KCNQ1: variants seen among roughly 807,000 people sequenced by gnomAD.
KCNQ1 encodes potassium voltage-gated channel subfamily KQT member 1.
Under a neutral mutation model 72.4 loss-of-function variants are expected in KCNQ1, and 49 were observed. The ratio of observed to expected loss-of-function variants is 0.68; its 90% CI spans 0.54 to 0.86. KCNQ1 has a LOEUF of 0.86. KCNQ1 is among the 40% of genes least tolerant of loss of function. KCNQ1 has a pLI of 0.00. For missense variants in KCNQ1, 790 were observed against 945.1 expected (o/e 0.84, Z 2.15); for synonymous variants, 450 against 412.6 (o/e 1.09, Z -1.10).
intron 15 of KCNQ1, among the ~76,000 whole-genome samples, chr11:2,788,940 C>A (rs557688541): frequency 2.0e-5 from 3 of 152,246 alleles, no homozygotes; most frequent in Admixed American, 1.3e-4. Flanking sequence ...TTGCAGGAGG[C>A]CCCTGGGGCC....
rs1448063507 is a variant in KCNQ1, at chr11:2,572,130, G to T, written c.780+21G>T. On this transcript the variant is annotated intron_variant, in intron 5 of 15. Transcript: ENST00000155840. ...GCCAGGTGGGTGGCCCGGGTTAGGG[G>T]TGCGGGGCCCAGGTTGGGGACAGGA... is the stretch of plus-strand genomic sequence containing the variant. 4 of 1,585,642 alleles carry T rather than the reference G, an allele frequency of 2.5e-6. No homozygotes were observed. The South Asian group carries it at 3.3e-5, about 13-fold the overall frequency.
chr11:2,656,214 G>T, intron 10 of KCNQ1: 1 of 398,620 alleles, frequency 2.5e-6, no homozygotes, highest in East Asian at 3.6e-5. Context: ...AATCCTGGAT[G>T]AAGTTTTAGC....
rs1398693672 is a variant in KCNQ1 at position 2,445,287 on chromosome 11, C to G, written c.189C>G (p.Pro63=). 2.7e-5 allele frequency: 37 copies of G among 1,346,152 alleles called. No homozygotes were observed. The highest frequency in any genetic ancestry group is 3.4e-5 in the Non-Finnish European group (36 of 1,054,142). The allele number at this position is 1,346,152 out of a possible 1,614,324, so 83.4% of individuals were successfully genotyped here. ...PIAPGAPGPA[P]PASPAAPAAP... is the part of the protein sequence containing the mutation. ...CGCCCGGCGCCCCAGGTCCCGCGCC[C>G]CCTGCGTCCCCGGCCGCGCCCGCCG... Residue 63 remains proline, a synonymous_variant, in exon 1 of 16, where the codon CCC becomes CCG. Transcript: ENST00000155840.
At chr11:2,555,054 C>CT (rs1848048403) in intron 2 of KCNQ1, among the ~76,000 whole-genome samples, 1 of 152,208 alleles carries the variant, frequency 6.6e-6, no homozygotes, top group African/African-American at 2.4e-5. Flanking sequence ...AACCGCAGGC[C>CT]TTCCTGTCCC....
chr11:2,636,336 C>T (rs1250819727), intron 10 of KCNQ1: 1 of 151,756 alleles, frequency 6.6e-6, no homozygotes, highest in Admixed American at 6.6e-5. Flanking sequence ...ATAAATAGCT[C>T]TTATTATTTT....
chr11:2,528,085 T>C, intron 2 of KCNQ1, 67 bp downstream of exon 2: 1 of 1,362,934 alleles, frequency 7.3e-7, no homozygotes, highest in Non-Finnish European at 1.0e-6. Flanking sequence ...TCCCTGGCGC[T>C]GGGCCCCATA....
rs1847670811 is a variant in KCNQ1, at chr11:2,818,707, G to C, written c.1795-29060G>C. 6.6e-6 allele frequency among the ~76,000 whole-genome samples: 1 copy of C among 152,044 alleles called. No homozygotes were observed. Among genetic ancestry groups the C allele is most frequent in the African/African-American group, 2.4e-5 (1 of 41,384 alleles). The stretch of plus-strand genomic sequence containing the variant: ...GGGTCCTTAGCACCAGCTGCCCAGA[G>C]CCCCCAGCCCCTACCCTAGTCTGAT... On this transcript the variant is annotated intron_variant, in intron 15 of 15. Transcript: ENST00000155840. This position sits in a 1 kb window ranked among gnomAD's most constrained non-coding sequence, Gnocchi z 7.2.
rs929257451 is a variant in KCNQ1 at position 2,477,527 on chromosome 11, A to G, written c.386+32043A>G. Among the ~76,000 whole-genome samples the G allele has an allele frequency of 3.9e-5, 6 of 152,284 alleles. No individual in the cohort carries two copies. Among genetic ancestry groups the G allele is most frequent in the African/African-American group, 1.2e-4 (5 of 41,556 alleles). ...ACTAGCAGAGAGAAAAGAAAACTACAGACCAGTGATATGTACACAGAGAGC... is the reference window on the plus strand; with the variant it reads ...ACTAGCAGAGAGAAAAGAAAACTACGGACCAGTGATATGTACACAGAGAGC... On this transcript the variant is annotated intron_variant, in intron 1 of 15. Transcript: ENST00000155840. This position sits in a 1 kb window ranked among gnomAD's most constrained non-coding sequence, Gnocchi z 5.0.
chr11:2,529,981 C>T (rs181442563), intron 2 of KCNQ1, among the ~76,000 whole-genome samples: 8 of 152,284 alleles, frequency 5.3e-5, no homozygotes, highest in Admixed American at 1.3e-4. Flanking sequence ...AGGGGCCCCC[C>T]TTGCCTTCCT....
In KCNQ1 at chr11:2,583,368, G is replaced by A. The variant is rs1848533027; in HGVS notation, c.922-67G>A. ...CCGCTCATCAGAGTGGTGGGTTTGG[G>A]TTAGGCAGTTGGCCCTCCCGAGGCT... On this transcript the variant is annotated intron_variant, in intron 6 of 15. Transcript: ENST00000155840. 3.6e-6 allele frequency: 4 copies of A among 1,109,780 alleles called. No homozygotes were observed. In the Admixed American group the frequency reaches 6.7e-5, roughly 19 times the overall value. 68.7% of individuals were successfully genotyped at this position (1,109,780 alleles called of 1,614,324 possible). A position where few individuals can be genotyped will look rare whatever the true frequency, so the allele number is the denominator to read the frequency against.
rs1309491869 is a variant in KCNQ1 at position 2,447,482 on chromosome 11, A to G, written c.386+1998A>G. ...GGGGTGGGACTGGAGGTGGACCCTGACTGGGCAGGACATGTGGCTTGGTGG... is the reference window on the plus strand; with the variant it reads ...GGGGTGGGACTGGAGGTGGACCCTGGCTGGGCAGGACATGTGGCTTGGTGG... On this transcript the variant is annotated intron_variant, in intron 1 of 15. Transcript: ENST00000155840. This position sits in a 1 kb window ranked among gnomAD's most constrained non-coding sequence, Gnocchi z 7.6. Among the ~76,000 whole-genome samples the G allele has an allele frequency of 6.6e-6, 1 of 151,986 alleles. No homozygotes were observed. Among genetic ancestry groups the G allele is most frequent in the Admixed American group, 6.5e-5 (1 of 15,268 alleles).
Position 2,745,654 on chromosome 11 carries a change from A to G in KCNQ1, c.1515-23190A>G, listed in dbSNP as rs554441397. ...CTGGCAGAGGCTGGGGTTACCTGAC[A>G]CTTGTCATCCTTCTGCTGGGCCTCA... On this transcript the variant is annotated intron_variant, in intron 11 of 15. Coordinates refer to ENST00000155840, the MANE Select transcript of KCNQ1 (RefSeq NM_000218.3). This position sits in a 1 kb window ranked among gnomAD's most constrained non-coding sequence, Gnocchi z 6.2. 4.9e-4 allele frequency among the ~76,000 whole-genome samples: 75 copies of G among 152,294 alleles called. No individual in the cohort carries two copies. Among genetic ancestry groups the G allele is most frequent in the African/African-American group, 1.7e-3 (69 of 41,562 alleles).
chr11:2,834,935 G>T (rs551184519), intron 15 of KCNQ1, among the ~76,000 whole-genome samples: 1 of 152,186 alleles, frequency 6.6e-6, no homozygotes, highest in African/African-American at 2.4e-5. Context: ...AAGCCTGGCC[G>T]CCCAGCCCCT....
chr11:2,575,338 G>A (rs996874773), intron 6 of KCNQ1, among the ~76,000 whole-genome samples: 15 of 152,082 alleles, frequency 9.9e-5, no homozygotes, highest in African/African-American at 3.1e-4. Flanking sequence ...CATTGTTCCC[G>A]CCAGGCCCCG....
chr11:2,663,768 G>A lies in KCNQ1; in HGVS notation c.1514+1687G>A. 1 of 398,700 alleles carries A rather than the reference G, an allele frequency of 2.5e-6. No individual in the cohort carries two copies. Among genetic ancestry groups the A allele is most frequent in the Non-Finnish European group, 4.4e-6 (1 of 226,116 alleles). The allele number at this position is 398,700 out of a possible 1,614,324, so 24.7% of individuals were successfully genotyped here. On this transcript the variant is annotated intron_variant, in intron 11 of 15. Transcript: ENST00000155840. This position sits in a 1 kb window ranked among gnomAD's most constrained non-coding sequence, Gnocchi z 5.2. ...AGACCAGGCACTTATGTGGATCACA[G>A]CCAAACTTGCAGCTGCCCAGTAAAT...
Position 2,659,425 on chromosome 11 carries a change from A to G in KCNQ1, c.1394-2536A>G. 2 of 398,516 alleles carry G rather than the reference A, an allele frequency of 5.0e-6. No homozygotes were observed. Among genetic ancestry groups the G allele is most frequent in the East Asian group, 3.6e-5 (1 of 28,080 alleles). 24.7% of individuals were successfully genotyped at this position (398,516 alleles called of 1,614,324 possible). ...ATTTGAGATTCATCCATGTTGTTGC[A>G]TAAATCATTAGTTAATTTCTTTTTA... On this transcript the variant is annotated intron_variant, in intron 10 of 15. Coordinates refer to ENST00000155840, the MANE Select transcript of KCNQ1 (RefSeq NM_000218.3). The surrounding 1 kb of genome is among the most constrained non-coding windows in gnomAD (Gnocchi z 4.3).
intron 15 of KCNQ1, among the ~76,000 whole-genome samples, chr11:2,839,010 AGGTG>A (rs1463427516): frequency 1.5e-4 from 2 of 13,252 alleles, no homozygotes; most frequent in Non-Finnish European, 5.7e-4. Context: ...GGGTTGCACT[AGGTG>A]GGCAGGTGGG....
Position 2,567,301 on chromosome 11 carries a change from T to A in KCNQ1, c.478-3327T>A, listed in dbSNP as rs561527340. On this transcript the variant is annotated intron_variant, in intron 2 of 15. Coordinates refer to ENST00000155840, the MANE Select transcript of KCNQ1 (RefSeq NM_000218.3). The surrounding 1 kb of genome is among the most constrained non-coding windows in gnomAD (Gnocchi z 6.6). ...ACAGATGAACCCAGGGTTAGGAGGGTGGCTGGGGCATCACCCACCTGGGGT... is the reference window on the plus strand; with the variant it reads ...ACAGATGAACCCAGGGTTAGGAGGGAGGCTGGGGCATCACCCACCTGGGGT... Among the ~76,000 whole-genome samples, 3 of 152,026 alleles carry A rather than the reference T, an allele frequency of 2.0e-5. No individual in the cohort carries two copies. Among genetic ancestry groups the A allele is most frequent in the Admixed American group, 1.3e-4 (2 of 15,278 alleles).
intron 11 of KCNQ1, chr11:2,686,151 G>C (rs1276574726): frequency 2.5e-6 from 1 of 398,758 alleles, no homozygotes; most frequent in Non-Finnish European, 4.4e-6. Flanking sequence ...TCTGGGGTTT[G>C]CTTCGCCTTT....
Sources: allele counts gnomAD v4.1 joint callset (sites outside exome capture counted in the v4.1 genomes callset), GRCh38; gene constraint gnomAD v4.1.1; non-coding constraint Gnocchi (gnomAD v3.1); transcripts MANE v1.5; gene names NCBI Gene and HGNC (gene_info 2026-07-23, HGNC 2026-07-21).